Variants in NALF1 observed in about 807,000 individuals in gnomAD.
NALF1 encodes the protein NALCN channel auxiliary factor 1, also known as family with sequence similarity 155 member A.
In NALF1, 3 loss-of-function variants were observed where a neutral mutation model predicts 48.4. That is an observed-to-expected ratio of 0.06 (90% CI 0.03 to 0.16). The LOEUF is 0.16. NALF1 is among the 10% of genes least tolerant of loss of function. NALF1 has a pLI of 1.00. For missense variants in NALF1, 526 were observed against 571.5 expected (o/e 0.92, Z 0.81); for synonymous variants, 262 against 245.7 (o/e 1.07, Z -0.62).
intron 1 of NALF1, among the ~76,000 whole-genome samples, chr13:107,341,644 G>T (rs960392429): frequency 1.3e-5 from 2 of 149,900 alleles, no homozygotes; most frequent in African/African-American, 4.9e-5. Flanking sequence ...TATACACTTG[G>T]GTACATATAT....
intron 1 of NALF1, among the ~76,000 whole-genome samples, chr13:107,279,394 T>G (rs1394907648): frequency 6.6e-6 from 1 of 152,164 alleles, no homozygotes; most frequent in African/African-American, 2.4e-5. Flanking sequence ...TAGCTGGAAT[T>G]ACAGGTGCAT....
chr13:107,535,229 T>C (rs111949517), intron 1 of NALF1, among the ~76,000 whole-genome samples: 6,484 of 152,048 alleles, frequency 0.043, 230 homozygotes, highest in East Asian at 0.11. Flanking sequence ...TGAATAGGAG[T>C]GGTGAGAGAG....
intron 1 of NALF1, among the ~76,000 whole-genome samples, chr13:107,339,492 C>G (rs1001687796): frequency 6.6e-6 from 1 of 152,042 alleles, no homozygotes; most frequent in Non-Finnish European, 1.5e-5. Flanking sequence ...TGCATTTGAA[C>G]AAAGCCCGAG....
At chr13:107,745,686 G>C (rs190417598) in intron 1 of NALF1, among the ~76,000 whole-genome samples, 2 of 152,076 alleles carry the variant, frequency 1.3e-5, no homozygotes, top group Non-Finnish European at 2.9e-5. Flanking sequence ...CATAGATCCA[G>C]GGTGATATGG....
At chr13:107,178,582 G>A (rs572023670) in intron 2 of NALF1, among the ~76,000 whole-genome samples, 1 of 152,306 alleles carries the variant, frequency 6.6e-6, no homozygotes, top group Non-Finnish European at 1.5e-5. Flanking sequence ...GTGGGGAAAA[G>A]GGAACACTGT....
intron 1 of NALF1, among the ~76,000 whole-genome samples, chr13:107,679,348 AT>A (rs1488665758): frequency 6.6e-6 from 1 of 152,172 alleles, no homozygotes; most frequent in Non-Finnish European, 1.5e-5. Flanking sequence ...TTTTCTCCTT[AT>A]TAAGCCCTGC....
intron 1 of NALF1, among the ~76,000 whole-genome samples, chr13:107,767,418 C>T (rs1014690712): frequency 6.6e-6 from 1 of 152,162 alleles, no homozygotes; most frequent in Non-Finnish European, 1.5e-5. Context: ...GTTGCAGTAA[C>T]TGGTTATTCA....
intron 1 of NALF1, among the ~76,000 whole-genome samples, chr13:107,668,068 GA>G (rs1434712863): frequency 6.6e-6 from 1 of 152,044 alleles, no homozygotes; most frequent in Non-Finnish European, 1.5e-5. Context: ...AAACTTCACT[GA>G]AAACTTATAT....
intron 1 of NALF1, among the ~76,000 whole-genome samples, chr13:107,241,337 G>C (rs181882803): frequency 4.6e-5 from 7 of 152,114 alleles, no homozygotes; most frequent in African/African-American, 1.7e-4. Context: ...TGTCCTCGCC[G>C]AGCACCACAC....
At chr13:107,615,591 C>T (rs1312702135) in intron 1 of NALF1, among the ~76,000 whole-genome samples, 1 of 152,194 alleles carries the variant, frequency 6.6e-6, no homozygotes, top group African/African-American at 2.4e-5. Flanking sequence ...GTGTGTGGAT[C>T]CCATAGGCCA....
chr13:107,198,191 T>C (rs1029381447), intron 2 of NALF1, among the ~76,000 whole-genome samples: 1 of 152,190 alleles, frequency 6.6e-6, no homozygotes, highest in Non-Finnish European at 1.5e-5. Flanking sequence ...AGAGAGTGGC[T>C]TGATTTTTCA....
intron 1 of NALF1, among the ~76,000 whole-genome samples, chr13:107,548,679 T>C (rs1023742189): frequency 6.6e-6 from 1 of 152,052 alleles, no homozygotes; most frequent in African/African-American, 2.4e-5. Context: ...TTCTGGGCCC[T>C]GACCTGCTCC....
At chr13:107,649,774 T>C (rs1289887926) in intron 1 of NALF1, among the ~76,000 whole-genome samples, 1 of 152,160 alleles carries the variant, frequency 6.6e-6, no homozygotes, top group South Asian at 2.1e-4. Context: ...TATTCAACTT[T>C]GTATATAAGA....
intron 1 of NALF1, among the ~76,000 whole-genome samples, chr13:107,777,171 G>A (rs1415262547): frequency 1.3e-5 from 2 of 152,094 alleles, no homozygotes; most frequent in Non-Finnish European, 2.9e-5. Flanking sequence ...TTCACATAAA[G>A]TATCTTGCAC....
At chr13:107,808,946 C>T (rs1594282551) in intron 1 of NALF1, among the ~76,000 whole-genome samples, 1 of 152,168 alleles carries the variant, frequency 6.6e-6, no homozygotes, top group East Asian at 1.9e-4. Context: ...TGCAGACCTG[C>T]TTATATGAAC....
rs181728141 is a variant in NALF1, at chr13:107,360,937, C to T, written c.916-150182G>A. ...ACTATTTTTCTTGTAGAGTTTCCTACAATCTTAATTCACTGATTGCTTATC... is the reference window on the plus strand; with the variant it reads ...ACTATTTTTCTTGTAGAGTTTCCTATAATCTTAATTCACTGATTGCTTATC... On this transcript the variant is annotated intron_variant, in intron 1 of 2. Transcript: ENST00000375915. Among the ~76,000 whole-genome samples, 4 of 152,138 alleles carry T rather than the reference C, an allele frequency of 2.6e-5. No individual in the cohort carries two copies. The East Asian group carries it at 7.8e-4, about 30-fold the overall frequency.
chr13:107,286,507 C>T (rs1162723210), intron 1 of NALF1, among the ~76,000 whole-genome samples: 1 of 149,866 alleles, frequency 6.7e-6, no homozygotes, highest in African/African-American at 2.5e-5. Context: ...ATGGGTGGCA[C>T]GCACCTGCGT....
At chr13:107,638,847 G>A (rs1880065293) in intron 1 of NALF1, among the ~76,000 whole-genome samples, 1 of 152,142 alleles carries the variant, frequency 6.6e-6, no homozygotes, top group Non-Finnish European at 1.5e-5. Context: ...AGGCTAGTGA[G>A]GCTGGAGAAC....
chr13:107,422,512 A>C (rs1884205984), intron 1 of NALF1, among the ~76,000 whole-genome samples: 2 of 151,978 alleles, frequency 1.3e-5, no homozygotes, highest in African/African-American at 4.8e-5. Flanking sequence ...CACATTCAGG[A>C]CATTGATGGG....
Sources: allele counts gnomAD v4.1 joint callset (sites outside exome capture counted in the v4.1 genomes callset), GRCh38; gene constraint gnomAD v4.1.1; transcripts MANE v1.5; gene names NCBI Gene and HGNC (gene_info 2026-07-23, HGNC 2026-07-21).